Variants in SPMIP8 observed in about 807,000 individuals in gnomAD.
The protein encoded by SPMIP8 is testicular tissue protein Li 196.
At chr16:57,977,043 T>C in the SPMIP8 span, among the ~76,000 whole-genome samples, 6 of 152,198 alleles carry the variant, frequency 3.9e-5, no homozygotes, top group South Asian at 2.1e-4. Context: ...TCCATAATTA[T>C]TCACCCAGAG....
chr16:57,980,453 G>A, the SPMIP8 span, among the ~76,000 whole-genome samples: 1 of 152,142 alleles, frequency 6.6e-6, no homozygotes, highest in Non-Finnish European at 1.5e-5. Flanking sequence ...CTGTATGCTG[G>A]GCAGGACCAG....
At chr16:57,987,279 C>T in the SPMIP8 span, 1 of 1,100,994 alleles carries the variant, frequency 9.1e-7, no homozygotes. Flanking sequence ...ACTGAAGTCT[C>T]CTGAGCCACA....
At chr16:57,977,936 GCTCTACCACCCAGCCCTGCCCACC>G in the SPMIP8 span, 2 of 1,614,158 alleles carry the variant, frequency 1.2e-6, no homozygotes, top group South Asian at 2.2e-5. Context: ...TGAAGCAGCA[GCTCTACCACCCAGCCCTGCCCACC>G]CTGCGCCACA....
At chr16:57,987,786 T>G in the SPMIP8 span, 1 of 234,026 alleles carries the variant, frequency 4.3e-6, no homozygotes, top group Non-Finnish European at 8.2e-6. Context: ...CTCCAGCCCC[T>G]TGCCTGCAGC....
the SPMIP8 span, chr16:57,985,795 T>A: frequency 2.1e-6 from 3 of 1,395,540 alleles, no homozygotes; most frequent in Non-Finnish European, 2.9e-6. Flanking sequence ...GAAGGCGCCC[T>A]GGAACCCTTC....
the SPMIP8 span, among the ~76,000 whole-genome samples, chr16:57,982,846 A>G: frequency 6.6e-6 from 1 of 152,178 alleles, no homozygotes; most frequent in South Asian, 2.1e-4. Flanking sequence ...CCTGGCCAAC[A>G]TGGTGAAACC....
chr16:57,984,482 C>G, the SPMIP8 span: 1 of 1,520,018 alleles, frequency 6.6e-7, no homozygotes, highest in African/African-American at 1.4e-5. Context: ...CTCCCGCTCC[C>G]CACATCACCC....
At chr16:57,977,779 C>A in the SPMIP8 span, 2 of 1,591,678 alleles carry the variant, frequency 1.3e-6, no homozygotes, top group Non-Finnish European at 1.7e-6. Context: ...CCAGCATGAG[C>A]CCAGGGTGAG....
At chr16:57,985,974 A>C in the SPMIP8 span, 1 of 1,587,942 alleles carries the variant, frequency 6.3e-7, no homozygotes, top group Non-Finnish European at 8.6e-7. Context: ...CCCCACAGCC[A>C]ACCACGTTCT....
the SPMIP8 span, chr16:57,985,248 A>T: frequency 6.4e-7 from 1 of 1,558,430 alleles, no homozygotes. Context: ...TTGAAGCCCG[A>T]CGTGACCCAG....
chr16:57,977,733 G>C, the SPMIP8 span: 1 of 1,471,352 alleles, frequency 6.8e-7, no homozygotes, highest in Non-Finnish European at 9.3e-7. Flanking sequence ...CATCGGCACT[G>C]GCCAAGGTTG....
At chr16:57,981,389 A>AATAATTATTATTATTATT in the SPMIP8 span, among the ~76,000 whole-genome samples, 139 of 132,910 alleles carry the variant, frequency 1.0e-3, no homozygotes, top group South Asian at 1.6e-3. Flanking sequence ...CAATAATAAT[A>AATAATTATTATTATTATT]ATAATTATTA....
the SPMIP8 span, chr16:57,984,622 C>A: frequency 6.4e-7 from 1 of 1,558,550 alleles, no homozygotes; most frequent in South Asian, 1.2e-5. Flanking sequence ...GCCTGACCCC[C>A]GTGGCCCTGT....
chr16:57,985,169 G>C, the SPMIP8 span: 12 of 1,477,304 alleles, frequency 8.1e-6, no homozygotes, highest in South Asian at 4.2e-5. Flanking sequence ...CCTGGGGGGG[G>C]GCGGATGAGC....
chr16:57,981,196 T>C, the SPMIP8 span, among the ~76,000 whole-genome samples: 1 of 151,486 alleles, frequency 6.6e-6, no homozygotes, highest in African/African-American at 2.4e-5. Context: ...GCCTGACCAA[T>C]ATGGTAAAAC....
At chr16:57,986,144 G>A in the SPMIP8 span, 1 of 529,978 alleles carries the variant, frequency 1.9e-6, no homozygotes, top group Non-Finnish European at 3.1e-6. Context: ...GGGTGGGGGT[G>A]GACGCGGGAG....
At chr16:57,984,817 C>G in the SPMIP8 span, 1 of 1,588,978 alleles carries the variant, frequency 6.3e-7, no homozygotes, top group Non-Finnish European at 8.6e-7. Flanking sequence ...CGAGGTCAGT[C>G]TACGGGCCGC....
the SPMIP8 span, among the ~76,000 whole-genome samples, chr16:57,981,756 T>C: frequency 9.2e-5 from 14 of 151,998 alleles, no homozygotes; most frequent in African/African-American, 3.4e-4. Context: ...CCTCAAGTGA[T>C]TGGCCTCCAA....
chr16:57,985,246 C>T, the SPMIP8 span: 1 of 1,556,462 alleles, frequency 6.4e-7, no homozygotes. Context: ...ACTTGAAGCC[C>T]GACGTGACCC....
Sources: gnomAD v4.1 joint callset for allele counts (sites outside exome capture counted in the v4.1 genomes callset) on GRCh38, gnomAD v4.1.1 for gene constraint, MANE v1.5 for transcripts, NCBI Gene and HGNC (gene_info 2026-07-23, HGNC 2026-07-21) for gene names.